The following CD1D variants were observed in gnomAD, a reference collection of about 807,000 sequenced individuals.
CD1D encodes the protein antigen-presenting glycoprotein CD1d.
Under a neutral mutation model 42.1 loss-of-function variants are expected in CD1D, and 40 were observed. The observed-to-expected ratio is 0.95, with a 90% CI of 0.74 to 1.24. The LOEUF (loss-of-function observed/expected upper bound fraction) is 1.24. Among genes scored for constraint, CD1D ranks in the 50% most tolerant of loss-of-function variants. CD1D has a pLI of 0.00. For synonymous variants in CD1D, 178 were observed against 171.8 expected, an observed-to-expected ratio of 1.04 and a Z score of -0.28; for missense variants, 437 against 416.5, an observed-to-expected ratio of 1.05 and a Z score of -0.43.
chr1:158,182,788 C>T (rs1477913064), intron 3 of CD1D, 90 bp from the exon 4 acceptor site: 25 of 1,423,894 alleles, frequency 1.8e-5, no homozygotes, highest in Admixed American at 4.5e-5. Flanking sequence ...GAAATAAAGA[C>T]CTGAAAGTCA....
In CD1D at chr1:158,185,999, G is replaced by A. The variant is rs1036673397; in HGVS notation, c.*1849G>A. Among the ~76,000 whole-genome samples the A allele has an allele frequency of 3.3e-5, 5 of 152,224 alleles. No individual in the cohort carries two copies. Among genetic ancestry groups the A allele is most frequent in the African/African-American group, 1.2e-4 (5 of 41,454 alleles). ...CAGGGAAGGCGTCCTGGAGGGAGGG[G>A]AATTTGAAGCAGAGCTTTGAAAAAC... On this transcript the variant is annotated 3_prime_UTR_variant, in exon 6 of 6. Coordinates refer to ENST00000674085, the MANE Select transcript of CD1D (RefSeq NM_001371762.2).
At position 158,181,015 on chromosome 1, in the gene CD1D, G is replaced by C; in HGVS notation, c.-87G>C. ...AATTGGCTGGCACCCAGCGGAAAGG[G>C]ACGTGAGCTGAGCGGCGGGGGAGAA... On this transcript the variant is annotated 5_prime_UTR_variant, in exon 1 of 6. Transcript: ENST00000674085. 1.6e-6 allele frequency: 2 copies of C among 1,239,056 alleles called. No homozygotes were observed. The highest frequency in any genetic ancestry group is 2.2e-6 in the Non-Finnish European group (2 of 908,026). 76.8% of individuals were successfully genotyped at this position (1,239,056 alleles called of 1,614,324 possible).
intron 4 of CD1D, 50 bp downstream of exon 4, chr1:158,183,206 G>C (rs377573082): frequency 6.4e-7 from 1 of 1,554,158 alleles, no homozygotes. Context: ...TGGTCCTCAG[G>C]CATAGAGGGA....
chr1:158,180,585 C>T (rs1448046632), upstream of CD1D, among the ~76,000 whole-genome samples: 1 of 152,182 alleles, frequency 6.6e-6, no homozygotes, highest in East Asian at 1.9e-4. Context: ...AAATGTGGTA[C>T]TTGCACTTGA....
chr1:158,185,845 A>G lies in CD1D; in HGVS notation c.*1695A>G, dbSNP rs1001587959. ...AACTCTGAGTCTGGAAGCAGGCTCA[A>G]TAGTCAAGCCCCCTGGTGATTCTGA... is the stretch of plus-strand genomic sequence containing the variant. On this transcript the variant is annotated 3_prime_UTR_variant, in exon 6 of 6. Coordinates refer to ENST00000674085, the MANE Select transcript of CD1D (RefSeq NM_001371762.2). Among the ~76,000 whole-genome samples the G allele has an allele frequency of 2.0e-5, 3 of 152,332 alleles. No homozygotes were observed. Among genetic ancestry groups the G allele is most frequent in the African/African-American group, 4.8e-5 (2 of 41,574 alleles).
rs755802101 is a variant in CD1D at position 158,183,200 on chromosome 1, C to T, written c.886+44C>T. On this transcript the variant is annotated intron_variant, in intron 4 of 5. Coordinates refer to ENST00000674085, the MANE Select transcript of CD1D (RefSeq NM_001371762.2). ...CAAGCTGGAAATGGCAGGAGGTGGT[C>T]CTCAGGCATAGAGGGAGGCACTGGG... 5.1e-6 allele frequency: 8 copies of T among 1,564,918 alleles called. No individual in the cohort carries two copies. The African/African-American group carries it at 6.7e-5, about 13-fold the overall frequency.
In CD1D at chr1:158,184,047, C is replaced by G. The variant is rs1289951348; in HGVS notation, c.986+12C>G. On this transcript the variant is annotated intron_variant, in intron 5 of 5. Transcript: ENST00000674085. ...TTTAAGAGGCAAACGTAAGTCTCCC[C>G]TTTCCCTTTCCTCAACCTCTCTCCC... 2 of 1,613,622 alleles carry G rather than the reference C, an allele frequency of 1.2e-6. No homozygotes were observed. Among genetic ancestry groups the G allele is most frequent in the Non-Finnish European group, 1.7e-6 (2 of 1,179,498 alleles).
At chr1:158,183,513 C>G (rs149081297) in intron 4 of CD1D, among the ~76,000 whole-genome samples, 1 of 152,324 alleles carries the variant, frequency 6.6e-6, no homozygotes, top group Non-Finnish European at 1.5e-5. Flanking sequence ...TGGTTGAGTG[C>G]TCCCTGTGTA....
At chr1:158,178,839 G>C (rs188623661), upstream of CD1D, among the ~76,000 whole-genome samples, 1 of 152,068 alleles carries the variant, frequency 6.6e-6, no homozygotes, top group African/African-American at 2.4e-5. Context: ...ATTGCAAAAC[G>C]TTTCATAATT....
At chr1:158,180,086 T>C (rs972481853), upstream of CD1D, 5 of 152,148 alleles carry the variant, frequency 3.3e-5, no homozygotes, top group African/African-American at 7.2e-5. Flanking sequence ...ATAGATTGGA[T>C]AAAAAGAGTG....
At chr1:158,181,279 G>A in intron 1 of CD1D, 117 bp downstream of exon 1, 1 of 1,428,346 alleles carries the variant, frequency 7.0e-7, no homozygotes, top group Non-Finnish European at 9.6e-7. Context: ...GCACTGGCGC[G>A]ATCTAGGTAG....
At position 158,180,981 on chromosome 1, in the gene CD1D, G is replaced by C; in HGVS notation, c.-121G>C. On this transcript the variant is annotated 5_prime_UTR_variant, in exon 1 of 6. Transcript: ENST00000674085. The stretch of plus-strand genomic sequence containing the variant: ...CCAGCGAGGAGGGCTGCCGGGGTCT[G>C]GGCTTGGGAATTGGCTGGCACCCAG... The C allele has an allele frequency of 1.1e-6, 1 of 921,324 alleles. No individual in the cohort carries two copies. The highest frequency in any genetic ancestry group is 1.7e-5 in the African/African-American group (1 of 59,630). 57.1% of individuals were successfully genotyped at this position (921,324 alleles called of 1,614,324 possible).
At chr1:158,183,802 A>G in intron 4 of CD1D, 134 bp from the exon 5 acceptor site, 1 of 728,148 alleles carries the variant, frequency 1.4e-6, no homozygotes, top group South Asian at 1.7e-5. Flanking sequence ...ACTTATGAGG[A>G]ATAGAAATTG....
upstream of CD1D, among the ~76,000 whole-genome samples, chr1:158,179,167 C>T (rs1362950029): frequency 6.6e-6 from 1 of 152,160 alleles, no homozygotes; most frequent in Non-Finnish European, 1.5e-5. Flanking sequence ...AATATTGCCC[C>T]ATGAGTCATA....
chr1:158,183,893 A>G, intron 4 of CD1D, 43 bp from the exon 5 acceptor site: 1 of 1,452,786 alleles, frequency 6.9e-7, no homozygotes, highest in Non-Finnish European at 9.7e-7. Flanking sequence ...ATATGTAGAG[A>G]GGGGTCCTGT....
At position 158,183,089 on chromosome 1, in the gene CD1D, G is replaced by C. The variant is rs930404466; in HGVS notation, c.819G>C (p.Glu273Asp). Residue 273 changes from glutamate to aspartate, a missense_variant, in exon 4 of 6, where the codon GAG becomes GAC. By Grantham distance (45) the Glu-to-Asp change is conservative. Transcript: ENST00000674085. ...CAACCCTGGATGTGGTGGCTGGGGA[G>C]GCAGCTGGCCTGTCCTGTCGGGTGA... ...LRATLDVVAG[E>D]AAGLSCRVKH... 2 of 1,614,046 alleles carry C rather than the reference G, an allele frequency of 1.2e-6. No individual in the cohort carries two copies. The highest frequency in any genetic ancestry group is 1.7e-6 in the Non-Finnish European group (2 of 1,180,018).
At position 158,181,491 on chromosome 1, in the gene CD1D, T is replaced by G. The variant is rs774026057; in HGVS notation, c.98T>G (p.Ile33Ser). 1 of 1,614,152 alleles carries G rather than the reference T, an allele frequency of 6.2e-7. No individual in the cohort carries two copies. The highest frequency in any genetic ancestry group is 1.1e-5 in the South Asian group (1 of 91,078). ...QRLFPLRCLQ[I>S]SSFANSSWTR... ...CTTTTCCCCCTCCGCTGCCTCCAGA[T>G]CTCGTCCTTCGCCAATAGCAGCTGG... is the stretch of plus-strand genomic sequence containing the variant. Residue 33 changes from isoleucine (I) to serine (S), a missense_variant, in exon 2 of 6, where the codon ATC (isoleucine) becomes AGC (serine). By Grantham distance (142) the Ile-to-Ser change is moderately radical. Transcript: ENST00000674085.
Position 158,181,077 on chromosome 1 carries a change from C to G in CD1D, c.-25C>G. 1 of 1,537,014 alleles carries G rather than the reference C, an allele frequency of 6.5e-7. No homozygotes were observed. Among genetic ancestry groups the G allele is most frequent in the Non-Finnish European group, 8.8e-7 (1 of 1,140,214 alleles). Reference sequence around the variant, plus strand: ...TCAGAGGGCGGCGCGCAGCGGCGCTCCGCGAGGTCCCCACGCCGGGCGATA... The same window carrying G: ...TCAGAGGGCGGCGCGCAGCGGCGCTGCGCGAGGTCCCCACGCCGGGCGATA... On this transcript the variant is annotated 5_prime_UTR_variant, in exon 1 of 6. Coordinates refer to ENST00000674085, the MANE Select transcript of CD1D (RefSeq NM_001371762.2).
rs1648413293 is a variant in CD1D, at chr1:158,181,511, A to C, written c.118A>C (p.Ser40Arg). 1.9e-6 allele frequency: 3 copies of C among 1,613,952 alleles called. No homozygotes were observed. Among genetic ancestry groups the C allele is most frequent in the Non-Finnish European group, 2.5e-6 (3 of 1,179,980 alleles). ...CLQISSFANS[S>R]WTRTDGLAWL... ...CCAGATCTCGTCCTTCGCCAATAGC[A>C]GCTGGACGCGCACCGACGGCTTGGC... Residue 40 changes from serine (S) to arginine (R), a missense_variant, in exon 2 of 6, where the codon AGC (serine) becomes CGC (arginine). Ser to Arg is a moderately radical substitution (Grantham distance 110). Transcript: ENST00000674085.
Sources: allele counts gnomAD v4.1 joint callset (sites outside exome capture counted in the v4.1 genomes callset), GRCh38; gene constraint gnomAD v4.1.1; transcripts MANE v1.5; gene names NCBI Gene and HGNC (gene_info 2026-07-23, HGNC 2026-07-21).